The following GABRB3 variants were observed in gnomAD, a reference collection of about 807,000 sequenced individuals.
GABRB3 encodes gamma-aminobutyric acid type A receptor subunit beta3, also known as gamma-aminobutyric acid receptor subunit beta-3.
In GABRB3, 14 loss-of-function variants were observed where a neutral mutation model predicts 52.1. The ratio of observed to expected loss-of-function variants is 0.27; its 90% CI spans 0.18 to 0.42. GABRB3 has a LOEUF of 0.42. Among genes scored for constraint, GABRB3 ranks in the 10% least tolerant of loss-of-function variants. The pLI is 1.00. For synonymous variants in GABRB3, 260 were observed against 232.3 expected, an observed-to-expected ratio of 1.12 and a Z score of -1.08; for missense variants, 307 against 609.1, an observed-to-expected ratio of 0.50 and a Z score of 5.22.
chr15:26,728,366 T>C (rs891516260), intron 3 of GABRB3, among the ~76,000 whole-genome samples: 42 of 152,314 alleles, frequency 2.8e-4, no homozygotes, highest in African/African-American at 9.9e-4. Context: ...CTGCCCTCCA[T>C]GGTTGGCCCA....
intron 3 of GABRB3, among the ~76,000 whole-genome samples, chr15:26,666,221 C>T (rs1437252910): frequency 6.6e-6 from 1 of 152,216 alleles, no homozygotes; most frequent in Admixed American, 6.5e-5. Context: ...GAAAGCATTA[C>T]TCCTTCATTC....
intron 3 of GABRB3, chr15:26,628,882 G>A: frequency 1.6e-6 from 2 of 1,281,746 alleles, no homozygotes; most frequent in Non-Finnish European, 2.2e-6. Context: ...AGGCTCTCAG[G>A]CCTTGGAAAT....
intron 3 of GABRB3, among the ~76,000 whole-genome samples, chr15:26,733,648 T>C (rs1889989811): frequency 6.6e-6 from 1 of 152,206 alleles, no homozygotes. Flanking sequence ...ATAAAATTCA[T>C]ATGGAATCCC....
intron 4 of GABRB3, among the ~76,000 whole-genome samples, chr15:26,592,736 G>C (rs1393285961): frequency 6.6e-6 from 1 of 152,166 alleles, no homozygotes; most frequent in African/African-American, 2.4e-5. Context: ...CGTTATTAAA[G>C]GACCTTATTA....
intron 8 of GABRB3, among the ~76,000 whole-genome samples, chr15:26,553,999 C>T (rs1280813324): frequency 2.6e-5 from 2 of 78,272 alleles, no homozygotes; most frequent in African/African-American, 5.1e-5. Flanking sequence ...CTCAGCCTCC[C>T]GAGTAGCTGA....
chr15:26,743,000 G>A (rs1007052052), intron 3 of GABRB3, among the ~76,000 whole-genome samples: 4 of 130,864 alleles, frequency 3.1e-5, no homozygotes, highest in Non-Finnish European at 6.1e-5. Flanking sequence ...TAGGATCTCA[G>A]CACACTGCAA....
Position 26,772,999 on chromosome 15 carries a change from C to T in GABRB3, c.-37G>A. On this transcript the variant is annotated 5_prime_UTR_variant, in exon 1 of 9. Coordinates refer to ENST00000311550, the MANE Select transcript of GABRB3 (RefSeq NM_000814.6). ...GCCCCGGCACGGGGGAGGGGGCGCCCCGCCGCCGTCGCGACCCGCAGCCGG... is the reference window on the plus strand; with the variant it reads ...GCCCCGGCACGGGGGAGGGGGCGCCTCGCCGCCGTCGCGACCCGCAGCCGG... 7.5e-7 allele frequency: 1 copy of T among 1,330,880 alleles called. No individual in the cohort carries two copies. The highest frequency in any genetic ancestry group is 9.7e-7 in the Non-Finnish European group (1 of 1,030,596). 82.4% of individuals were successfully genotyped at this position (1,330,880 alleles called of 1,614,324 possible).
chr15:26,549,864 A>G, intron 8 of GABRB3, among the ~76,000 whole-genome samples: 1 of 152,082 alleles, frequency 6.6e-6, no homozygotes, highest in East Asian at 1.9e-4. Flanking sequence ...CAGGAAAGAG[A>G]TTTGAGCATT....
At chr15:26,723,823 G>C (rs551078316) in intron 3 of GABRB3, among the ~76,000 whole-genome samples, 2 of 152,128 alleles carry the variant, frequency 1.3e-5, no homozygotes, top group Non-Finnish European at 2.9e-5. Flanking sequence ...ACGATTCCTA[G>C]GCTCCACTGT....
intron 3 of GABRB3, among the ~76,000 whole-genome samples, chr15:26,728,878 G>A (rs1889837900): frequency 6.6e-6 from 1 of 152,110 alleles, no homozygotes; most frequent in South Asian, 2.1e-4. Flanking sequence ...CAATTTAAAT[G>A]CATATGGTTA....
chr15:26,677,769 A>G (rs1394021887), intron 3 of GABRB3, among the ~76,000 whole-genome samples: 1 of 152,188 alleles, frequency 6.6e-6, no homozygotes, highest in African/African-American at 2.4e-5. Context: ...ATGCTTTAAT[A>G]GTTTGGGCTC....
chr15:26,561,801 A>G (rs1489239148), intron 7 of GABRB3, among the ~76,000 whole-genome samples: 2 of 152,248 alleles, frequency 1.3e-5, no homozygotes, highest in African/African-American at 2.4e-5. Context: ...TTCTGAGGGA[A>G]GATGATCTCA....
intron 3 of GABRB3, among the ~76,000 whole-genome samples, chr15:26,711,840 C>T (rs1889307182): frequency 6.6e-6 from 1 of 152,220 alleles, no homozygotes; most frequent in Admixed American, 6.5e-5. Flanking sequence ...GATCTTAACA[C>T]TTGTCAATTT....
intron 3 of GABRB3, among the ~76,000 whole-genome samples, chr15:26,623,321 C>A (rs1445682545): frequency 1.3e-5 from 2 of 152,194 alleles, no homozygotes; most frequent in Non-Finnish European, 2.9e-5. Context: ...CCAATGAAAG[C>A]CACTGATAGT....
intron 4 of GABRB3, among the ~76,000 whole-genome samples, chr15:26,600,308 A>G (rs1891542045): frequency 6.6e-6 from 1 of 152,156 alleles, no homozygotes. Flanking sequence ...GAGAAAAAAA[A>G]GCCAGAAAGC....
chr15:26,596,220 C>T (rs1206076698), intron 4 of GABRB3, among the ~76,000 whole-genome samples: 2 of 151,964 alleles, frequency 1.3e-5, no homozygotes, highest in African/African-American at 4.8e-5. Flanking sequence ...GATATAAAGT[C>T]AAAGCCTAGT....
intron 3 of GABRB3, chr15:26,642,552 A>C (rs1893231033): frequency 8.1e-7 from 1 of 1,229,906 alleles, no homozygotes; most frequent in Non-Finnish European, 1.1e-6. Flanking sequence ...AGAAACATGA[A>C]GGACACTTTG....
chr15:26,557,756 C>T (rs1408161641), intron 8 of GABRB3: 3 of 151,996 alleles, frequency 2.0e-5, no homozygotes, highest in Admixed American at 6.6e-5. Context: ...CTAAGATTGC[C>T]GAGAAAACAG....
rs533434497 is a variant in GABRB3 at position 26,622,224 on chromosome 15, T to G, written c.241-690A>C. On this transcript the variant is annotated intron_variant, in intron 3 of 8. Coordinates refer to ENST00000311550, the MANE Select transcript of GABRB3 (RefSeq NM_000814.6). Reference sequence around the variant, plus strand: ...AGGTGGGAGACAGACAGGGCCATGGTGTTGTCCACAGGCTTGCCCACAAAA... The same window carrying G: ...AGGTGGGAGACAGACAGGGCCATGGGGTTGTCCACAGGCTTGCCCACAAAA... Among the ~76,000 whole-genome samples, 11 of 152,216 alleles carry G rather than the reference T, an allele frequency of 7.2e-5. No homozygotes were observed. In the South Asian group the frequency reaches 2.1e-3, roughly 29 times the overall value.
Sources: gnomAD v4.1 joint callset for allele counts (sites outside exome capture counted in the v4.1 genomes callset) on GRCh38, gnomAD v4.1.1 for gene constraint, MANE v1.5 for transcripts, NCBI Gene and HGNC (gene_info 2026-07-23, HGNC 2026-07-21) for gene names.